The following RPS6KA5 variants were observed in gnomAD, a reference collection of about 807,000 sequenced individuals.
RPS6KA5 encodes ribosomal protein S6 kinase A5.
RPS6KA5 carries 27 observed loss-of-function variants against 85.5 expected under a neutral mutation model. The observed-to-expected ratio is 0.32, with a 90% CI of 0.23 to 0.44. RPS6KA5 has a LOEUF of 0.44. RPS6KA5 is among the 20% of genes least tolerant of loss of function. The pLI is 1.00. For synonymous variants in RPS6KA5, 334 were observed against 348.2 expected (o/e 0.96, Z 0.46); for missense variants, 811 against 980.9 (o/e 0.83, Z 2.31).
chr14:90,914,406 C>T (rs1381431247), intron 7 of RPS6KA5, among the ~76,000 whole-genome samples: 1 of 151,474 alleles, frequency 6.6e-6, no homozygotes, highest in Non-Finnish European at 1.5e-5. Context: ...CCTCCGCCCC[C>T]AGGGTTCCAA....
chr14:90,995,920 A>G (rs2040496872), intron 2 of RPS6KA5, among the ~76,000 whole-genome samples: 1 of 152,156 alleles, frequency 6.6e-6, no homozygotes, highest in Admixed American at 6.5e-5. Flanking sequence ...TCTCTACTAA[A>G]TAAGTAAATA....
intron 7 of RPS6KA5, among the ~76,000 whole-genome samples, chr14:90,916,555 T>A (rs79791441): frequency 0.026 from 4,000 of 152,244 alleles, 188 homozygotes; most frequent in African/African-American, 0.091. Flanking sequence ...TGGGGACAGA[T>A]AATGGCACAT....
At chr14:90,938,525 G>A (rs961537127) in intron 5 of RPS6KA5, among the ~76,000 whole-genome samples, 10 of 152,326 alleles carry the variant, frequency 6.6e-5, no homozygotes, top group East Asian at 1.9e-4. Context: ...GAGGTTCTCC[G>A]TGAGGGCCCC....
intron 3 of RPS6KA5, among the ~76,000 whole-genome samples, chr14:90,974,574 C>T (rs12884312): frequency 0.48 from 72,463 of 152,056 alleles, 17,781 homozygotes; most frequent in East Asian, 0.53. Context: ...GCCCTGCAGC[C>T]TCCACTTTTG....
intron 2 of RPS6KA5, among the ~76,000 whole-genome samples, chr14:90,979,739 A>G (rs1002826906): frequency 6.6e-6 from 1 of 152,264 alleles, no homozygotes; most frequent in African/African-American, 2.4e-5. Flanking sequence ...TGCACTAAAC[A>G]TATCGATTCA....
In RPS6KA5 at chr14:90,967,531, T is replaced by A. The variant is rs548738682; in HGVS notation, c.394+10775A>T. On this transcript the variant is annotated intron_variant, in intron 3 of 16. Transcript: ENST00000614987. Reference sequence around the variant, plus strand: ...ATTTATTGTGCCCTGACTTACATACTCAATGTGGTCATAATTTTAAGACTT... The same window carrying A: ...ATTTATTGTGCCCTGACTTACATACACAATGTGGTCATAATTTTAAGACTT... 2.9e-4 allele frequency among the ~76,000 whole-genome samples: 44 copies of A among 152,340 alleles called. No homozygotes were observed. The South Asian group carries it at 5.8e-3, about 20-fold the overall frequency.
intron 3 of RPS6KA5, among the ~76,000 whole-genome samples, chr14:90,975,749 A>G (rs1001842211): frequency 6.6e-6 from 1 of 152,218 alleles, no homozygotes; most frequent in Non-Finnish European, 1.5e-5. Context: ...GGGCACTGCA[A>G]ACAAATAACT....
rs1445877924 is a variant in RPS6KA5 at position 90,848,162 on chromosome 14, A to G, written c.*23912T>C. The G allele has an allele frequency of 6.6e-6, 1 of 152,270 alleles. No homozygotes were observed. 9.4% of individuals were successfully genotyped at this position (152,270 alleles called of 1,614,324 possible). A position where few individuals can be genotyped will look rare whatever the true frequency, so the allele number is the denominator to read the frequency against. On this transcript the variant is annotated 3_prime_UTR_variant, in exon 17 of 17. Coordinates refer to ENST00000614987, the MANE Select transcript of RPS6KA5 (RefSeq NM_004755.4). ...TACATGCCTCTTATAACTGTTAAAG[A>G]CAAGTAGCTATAGAATTCTGAAAAT...
At chr14:90,981,489 G>A (rs567163494) in intron 2 of RPS6KA5, among the ~76,000 whole-genome samples, 36 of 152,186 alleles carry the variant, frequency 2.4e-4, no homozygotes, top group African/African-American at 8.4e-4. Context: ...AAGTAGCATA[G>A]GATGTCAATA....
intron 2 of RPS6KA5, among the ~76,000 whole-genome samples, chr14:90,989,743 T>C (rs1388386761): frequency 6.6e-6 from 1 of 152,182 alleles, no homozygotes; most frequent in Non-Finnish European, 1.5e-5. Context: ...TTCTAAAAGA[T>C]GAGCCAAAGA....
At chr14:90,996,193 GT>G (rs750582176) in intron 2 of RPS6KA5, among the ~76,000 whole-genome samples, 3,968 of 138,674 alleles carry the variant, frequency 0.029, 155 homozygotes, top group African/African-American at 0.099. Context: ...TGTTTTTTTT[GT>G]TTTTTTTTTT....
chr14:90,940,859 G>A (rs1345080041), intron 5 of RPS6KA5, among the ~76,000 whole-genome samples: 2 of 152,150 alleles, frequency 1.3e-5, no homozygotes, highest in Non-Finnish European at 2.9e-5. Flanking sequence ...GTGCATGCAA[G>A]GGATCTAGGT....
intron 1 of RPS6KA5, among the ~76,000 whole-genome samples, chr14:91,044,131 G>A (rs1391288928): frequency 6.6e-6 from 1 of 151,868 alleles, no homozygotes; most frequent in African/African-American, 2.4e-5. Context: ...GGAGGCTCAG[G>A]CAGGAGAATC....
At chr14:90,874,752 A>G (rs1595096534) in intron 15 of RPS6KA5, among the ~76,000 whole-genome samples, 1 of 151,934 alleles carries the variant, frequency 6.6e-6, no homozygotes, top group Admixed American at 6.6e-5. Flanking sequence ...GGTGAATGGG[A>G]AGGAAGGGAC....
chr14:90,896,483 A>C (rs912550411), intron 12 of RPS6KA5, among the ~76,000 whole-genome samples: 1 of 152,298 alleles, frequency 6.6e-6, no homozygotes, highest in Non-Finnish European at 1.5e-5. Flanking sequence ...GAAGGATGGC[A>C]AAAGGGCCTT....
intron 1 of RPS6KA5, among the ~76,000 whole-genome samples, chr14:91,013,443 G>A (rs1033170727): frequency 1.3e-5 from 2 of 152,086 alleles, no homozygotes; most frequent in Admixed American, 1.3e-4. Context: ...GAGAAGTTAG[G>A]CAGCTAAGGA....
intron 3 of RPS6KA5, among the ~76,000 whole-genome samples, chr14:90,974,987 A>G (rs1221260536): frequency 6.6e-6 from 1 of 152,244 alleles, no homozygotes; most frequent in African/African-American, 2.4e-5. Flanking sequence ...TATACGGGAC[A>G]AACTCATTTT....
intron 2 of RPS6KA5, among the ~76,000 whole-genome samples, chr14:90,995,452 C>G (rs1052785070): frequency 6.6e-6 from 1 of 152,190 alleles, no homozygotes; most frequent in African/African-American, 2.4e-5. Context: ...TCTCCCTTTG[C>G]AGGCTAGATT....
chr14:91,009,087 G>C (rs2041150461), intron 1 of RPS6KA5, among the ~76,000 whole-genome samples: 1 of 152,212 alleles, frequency 6.6e-6, no homozygotes, highest in Non-Finnish European at 1.5e-5. Context: ...CTCAATTTCT[G>C]TTCCATTTTT....
Sources: allele counts gnomAD v4.1 joint callset (sites outside exome capture counted in the v4.1 genomes callset), GRCh38; gene constraint gnomAD v4.1.1; transcripts MANE v1.5; gene names NCBI Gene and HGNC (gene_info 2026-07-23, HGNC 2026-07-21).